TYR: variants seen among roughly 807,000 people sequenced by gnomAD.
TYR encodes LB24-AB.
TYR carries 58 observed loss-of-function variants against 51.5 expected under a neutral mutation model. That is an observed-to-expected ratio of 1.13 (90% CI 0.91 to 1.40). TYR has a LOEUF of 1.40. Among genes scored for constraint, TYR ranks in the 40% most tolerant of loss-of-function variants. The probability of loss-of-function intolerance (pLI) is 0.00; values close to 1 mark genes in which losing one functional copy is unlikely to be tolerated. For missense variants in TYR, 732 were observed against 647.4 expected (o/e 1.13, Z -1.42); for synonymous variants, 263 against 235.2 (o/e 1.12, Z -1.08).
chr11:89,203,206 T>A (rs1444638845), intron 2 of TYR, among the ~76,000 whole-genome samples: 1 of 152,190 alleles, frequency 6.6e-6, no homozygotes, highest in East Asian at 1.9e-4. Flanking sequence ...TCCCTTGATT[T>A]TACGGATAGG....
chr11:89,230,135 A>T (rs552003054), intron 3 of TYR, among the ~76,000 whole-genome samples: 1 of 152,144 alleles, frequency 6.6e-6, no homozygotes, highest in Non-Finnish European at 1.5e-5. Flanking sequence ...TTCAAAATAT[A>T]CTACAAAACT....
chr11:89,190,546 A>G (rs1943429181), intron 1 of TYR, among the ~76,000 whole-genome samples: 1 of 152,190 alleles, frequency 6.6e-6, no homozygotes, highest in African/African-American at 2.4e-5. Flanking sequence ...AAAAGACTCA[A>G]AAAGTTTTAA....
chr11:89,273,799 A>G (rs191226997), intron 3 of TYR, among the ~76,000 whole-genome samples: 7 of 151,920 alleles, frequency 4.6e-5, no homozygotes. Flanking sequence ...TCAAAGTGTC[A>G]CCAGGGTTGG....
At chr11:89,219,300 T>A (rs1464798561) in intron 2 of TYR, among the ~76,000 whole-genome samples, 2 of 151,240 alleles carry the variant, frequency 1.3e-5, no homozygotes, top group Non-Finnish European at 3.0e-5. Flanking sequence ...GAGTGACTTT[T>A]TTTTTTTTTT....
intron 3 of TYR, among the ~76,000 whole-genome samples, chr11:89,247,251 T>C (rs1289733547): frequency 6.6e-6 from 1 of 152,206 alleles, no homozygotes; most frequent in Non-Finnish European, 1.5e-5. Flanking sequence ...AGACAGCATC[T>C]ATGTATCGAT....
At chr11:89,212,827 A>G (rs1943778565) in intron 2 of TYR, among the ~76,000 whole-genome samples, 1 of 152,248 alleles carries the variant, frequency 6.6e-6, no homozygotes, top group African/African-American at 2.4e-5. Context: ...AAACAGAACC[A>G]ACCACAAAAA....
rs62645914 is a variant in TYR, at chr11:89,227,954, C to G, written c.1168C>G (p.His390Asp). 2.5e-6 allele frequency: 4 copies of G among 1,613,428 alleles called. No homozygotes were observed. Among genetic ancestry groups the G allele is most frequent in the Non-Finnish European group, 3.4e-6 (4 of 1,179,668 alleles). ...CAACGATCCTATCTTCCTTCTTCACCATGCATTTGTTGACAGGTTGGTTAA... is the reference window on the plus strand; with the variant it reads ...CAACGATCCTATCTTCCTTCTTCACGATGCATTTGTTGACAGGTTGGTTAA... ...SANDPIFLLH[H>D]AFVDSIFEQW... The change falls in exon 3 of 5, where the codon CAT (histidine) becomes GAT (aspartate). Residue 390 changes from histidine (H) to aspartate (D), a missense_variant. Physicochemically the swap from His to Asp is moderately conservative, Grantham distance 81. Transcript: ENST00000263321.
intron 3 of TYR, among the ~76,000 whole-genome samples, chr11:89,266,452 C>T (rs1041519108): frequency 1.3e-5 from 2 of 151,872 alleles, no homozygotes; most frequent in African/African-American, 4.8e-5. Context: ...TCTGATTTTT[C>T]TTACATTTAG....
chr11:89,284,496 C>A (rs186583815), intron 3 of TYR, among the ~76,000 whole-genome samples: 1 of 151,956 alleles, frequency 6.6e-6, no homozygotes, highest in Admixed American at 6.6e-5. Context: ...TATTTTGCAG[C>A]ATTCTGGAGG....
intron 3 of TYR, among the ~76,000 whole-genome samples, chr11:89,231,317 T>TCCCAAAACAATTACCATGGTCACGTC (rs1555091514): frequency 2.1e-5 from 3 of 145,760 alleles, no homozygotes; most frequent in Admixed American, 6.8e-5. Context: ...CCTGGGCATG[T>TCCCAAAACAATTACCATGGTCACGTC]ATCGAAAGGG....
At chr11:89,271,106 C>T (rs1944583349) in intron 3 of TYR, among the ~76,000 whole-genome samples, 1 of 151,810 alleles carries the variant, frequency 6.6e-6, no homozygotes, top group African/African-American at 2.4e-5. Flanking sequence ...GAAGAAAAAT[C>T]CCAAAACAAA....
chr11:89,279,889 T>A (rs1006915054), intron 3 of TYR, among the ~76,000 whole-genome samples: 2 of 151,764 alleles, frequency 1.3e-5, no homozygotes, highest in Non-Finnish European at 2.9e-5. Flanking sequence ...TATAGTACCT[T>A]CAAGACAGAG....
intron 4 of TYR, among the ~76,000 whole-genome samples, chr11:89,288,677 G>A (rs1944821921): frequency 6.6e-6 from 1 of 152,040 alleles, no homozygotes; most frequent in Non-Finnish European, 1.5e-5. Flanking sequence ...GCTGAGGCAG[G>A]AGGTTCTCTT....
At chr11:89,269,602 G>A (rs1944566456) in intron 3 of TYR, among the ~76,000 whole-genome samples, 1 of 151,756 alleles carries the variant, frequency 6.6e-6, no homozygotes, top group South Asian at 2.1e-4. Context: ...GATTTTAACT[G>A]CCTTACTGAT....
At chr11:89,190,688 T>G (rs191253836) in intron 1 of TYR, among the ~76,000 whole-genome samples, 7 of 152,242 alleles carry the variant, frequency 4.6e-5, no homozygotes, top group Admixed American at 4.6e-4. Context: ...AGTAGTATCT[T>G]AGGCCTTTAT....
intron 2 of TYR, among the ~76,000 whole-genome samples, chr11:89,193,634 C>T (rs1187550114): frequency 3.4e-4 from 52 of 152,078 alleles, no homozygotes; most frequent in Non-Finnish European, 4.4e-5. Context: ...TCTAAACCAC[C>T]ACTTACCTTA....
At chr11:89,218,511 C>T (rs541770179) in intron 2 of TYR, among the ~76,000 whole-genome samples, 1 of 152,000 alleles carries the variant, frequency 6.6e-6, no homozygotes, top group Non-Finnish European at 1.5e-5. Context: ...TATGGATGAT[C>T]TGATATCACC....
intron 4 of TYR, among the ~76,000 whole-genome samples, chr11:89,293,511 A>G (rs1246758183): frequency 6.6e-6 from 1 of 152,076 alleles, no homozygotes; most frequent in African/African-American, 2.4e-5. Context: ...GAAGAATAAG[A>G]TATCAAATGT....
rs552014652 is a variant in TYR, at chr11:89,295,469, C to A, written c.*103C>A. 1.7e-4 allele frequency: 249 copies of A among 1,475,246 alleles called. 1 individual carries two copies. The African/African-American group carries it at 3.0e-3, about 18-fold the overall frequency. The allele number at this position is 1,475,246 out of a possible 1,614,324, so 91.4% of individuals were successfully genotyped here. On this transcript the variant is annotated 3_prime_UTR_variant, in exon 5 of 5. Coordinates refer to ENST00000263321, the MANE Select transcript of TYR (RefSeq NM_000372.5). ...ATCTGCTGGTATTTTTCTGTAAAGA[C>A]CATTTGCAAAATTGTAACCTAATAC...
Sources: gnomAD v4.1 joint callset for allele counts (sites outside exome capture counted in the v4.1 genomes callset) on GRCh38, gnomAD v4.1.1 for gene constraint, MANE v1.5 for transcripts, NCBI Gene and HGNC (gene_info 2026-07-23, HGNC 2026-07-21) for gene names.